Variants in NUP85 observed in about 807,000 individuals in gnomAD.
NUP85 encodes the protein nucleoporin 85.
In NUP85, 23 loss-of-function variants were observed where a neutral mutation model predicts 92.8. That is an observed-to-expected ratio of 0.25 (90% CI 0.18 to 0.35). The LOEUF (loss-of-function observed/expected upper bound fraction) is 0.35. Ranked by LOEUF, NUP85 falls within the 10% of genes least tolerant of loss-of-function variation. The pLI is 1.00. For missense variants in NUP85, 759 were observed against 822.8 expected (o/e 0.92, Z 0.95); for synonymous variants, 314 against 306.9 (o/e 1.02, Z -0.24).
At chr17:75,215,893 C>A in intron 6 of NUP85, 70 bp downstream of exon 6, 1 of 1,297,636 alleles carries the variant, frequency 7.7e-7, no homozygotes, top group Non-Finnish European at 1.1e-6. Flanking sequence ...CCTCATCTTT[C>A]CTGTGCATGG....
chr17:75,213,516 C>G (rs547474967), intron 5 of NUP85, among the ~76,000 whole-genome samples: 1 of 152,118 alleles, frequency 6.6e-6, no homozygotes, highest in South Asian at 2.1e-4. Flanking sequence ...TGGTCTTGAA[C>G]TTTTGACCTC....
At chr17:75,229,701 G>A (rs946535490) in intron 11 of NUP85, among the ~76,000 whole-genome samples, 1 of 152,218 alleles carries the variant, frequency 6.6e-6, no homozygotes, top group African/African-American at 2.4e-5. Context: ...CGTCACTTGA[G>A]TTGTGTTGTT....
chr17:75,206,232 T>G (rs890377083), intron 1 of NUP85, among the ~76,000 whole-genome samples: 3 of 152,198 alleles, frequency 2.0e-5, no homozygotes, highest in Admixed American at 2.0e-4. Flanking sequence ...GTTTTATCGC[T>G]GTGCATTCAA....
At chr17:75,219,640 G>C (rs1335344377) in intron 7 of NUP85, among the ~76,000 whole-genome samples, 1 of 152,184 alleles carries the variant, frequency 6.6e-6, no homozygotes, top group Non-Finnish European at 1.5e-5. Context: ...GACTAAAACA[G>C]GCAAAGATTC....
chr17:75,232,049 T>C (rs2291030), intron 14 of NUP85, 70 bp downstream of exon 14: 245,632 of 1,546,776 alleles, frequency 0.16, 20,686 homozygotes, highest in Middle Eastern at 0.26. Context: ...GGTCACACTT[T>C]ATGCCTACCC....
chr17:75,210,470 C>A (rs2075222195), intron 3 of NUP85, among the ~76,000 whole-genome samples: 1 of 152,124 alleles, frequency 6.6e-6, no homozygotes. Context: ...ACTTTTGGGA[C>A]CCACCTCAGA....
rs530782747 is a variant in NUP85, at chr17:75,234,865, T to G, written c.1767+77T>G. On this transcript the variant is annotated intron_variant, in intron 17 of 18. Transcript: ENST00000245544. ...CTTAGTTGTATAGCTGTTGCCGATG[T>G]GCGTGTTTCCTCCTTTGTCGTTCTG... 3,889 of 1,555,374 alleles carry G rather than the reference T, an allele frequency of 2.5e-3. 56 individuals carry two copies. The highest frequency in any genetic ancestry group is 0.023 in the South Asian group (2,109 of 89,804).
At position 75,205,811 on chromosome 17, in the gene NUP85, C is replaced by A; in HGVS notation, c.33+17C>A. The A allele has an allele frequency of 6.2e-7, 1 of 1,613,956 alleles. No individual in the cohort carries two copies. Among genetic ancestry groups the A allele is most frequent in the Non-Finnish European group, 8.5e-7 (1 of 1,179,850 alleles). On this transcript the variant is annotated intron_variant, in intron 1 of 18. Transcript: ENST00000245544. ...ACAGTCACTGTAAGGGTACCCCGAA[C>A]AGGCTTGCTCGTCCTTGCGGGTTGA...
intron 10 of NUP85, 108 bp from the exon 11 acceptor site, chr17:75,225,943 T>C (rs957046426): frequency 2.1e-5 from 33 of 1,592,270 alleles, no homozygotes; most frequent in Non-Finnish European, 2.7e-5. Flanking sequence ...CTTTGGCCCT[T>C]AGTGAAAGAA....
rs1297564740 is a variant in NUP85, at chr17:75,231,167, G to C, written c.1095-173G>C. On this transcript the variant is annotated intron_variant, in intron 11 of 18. Transcript: ENST00000245544. The surrounding 1 kb of genome is among the most constrained non-coding windows in gnomAD (Gnocchi z 4.6). Reference sequence around the variant, plus strand: ...TGGTCTTAAATTCCTGGACTCAGGTGATCTGCCTGCCTTGGCCTCCCAAAG... The same window carrying C: ...TGGTCTTAAATTCCTGGACTCAGGTCATCTGCCTGCCTTGGCCTCCCAAAG... The C allele has an allele frequency of 1.5e-6, 1 of 653,468 alleles. No homozygotes were observed. 40.5% of individuals were successfully genotyped at this position (653,468 alleles called of 1,614,324 possible).
chr17:75,229,385 T>C (rs1424084315), intron 11 of NUP85, among the ~76,000 whole-genome samples: 1 of 152,070 alleles, frequency 6.6e-6, no homozygotes. Flanking sequence ...AACAGCTCAT[T>C]TGGGGCTACA....
chr17:75,223,157 G>T (rs189008806), intron 7 of NUP85, among the ~76,000 whole-genome samples: 1 of 151,830 alleles, frequency 6.6e-6, no homozygotes, highest in Admixed American at 6.6e-5. Context: ...AGTACTACAC[G>T]TGGGGACCCA....
chr17:75,221,541 G>A (rs1210739369), intron 7 of NUP85, among the ~76,000 whole-genome samples: 1 of 152,138 alleles, frequency 6.6e-6, no homozygotes, highest in South Asian at 2.1e-4. Context: ...CGGTCACTAG[G>A]TGTGAGATCT....
chr17:75,228,673 T>C (rs2145381473), intron 11 of NUP85: 1 of 985,454 alleles, frequency 1.0e-6, no homozygotes, highest in South Asian at 4.7e-5. Flanking sequence ...AGTGAGCTGT[T>C]GGCATGCCTT....
intron 1 of NUP85, among the ~76,000 whole-genome samples, chr17:75,205,999 C>T (rs766715991): frequency 5.5e-4 from 84 of 152,120 alleles, no homozygotes; most frequent in Non-Finnish European, 7.8e-4. Context: ...CCACCAGTCA[C>T]AAACCCCGGC....
chr17:75,223,740 TTTTA>T (rs2075667996), intron 7 of NUP85, among the ~76,000 whole-genome samples: 2 of 152,206 alleles, frequency 1.3e-5, no homozygotes, highest in African/African-American at 2.4e-5. Context: ...TTATGAACCA[TTTTA>T]TTTAATGCAT....
Position 75,231,143 on chromosome 17 carries a change from G to GA in NUP85, c.1095-197_1095-196insA, listed in dbSNP as rs2076041905. The GA allele has an allele frequency of 2.4e-5, 14 of 592,600 alleles. No individual in the cohort carries two copies. In the South Asian group the frequency reaches 2.6e-4, roughly 11 times the overall value. The allele number at this position is 592,600 out of a possible 1,614,324, so 36.7% of individuals were successfully genotyped here. ...GGGGTTTTGCCATGTTGCCCAGGCT[G>GA]GTCTTAAATTCCTGGACTCAGGTGA... On this transcript the variant is annotated intron_variant, in intron 11 of 18. Coordinates refer to ENST00000245544, the MANE Select transcript of NUP85 (RefSeq NM_024844.5). The surrounding 1 kb of genome is among the most constrained non-coding windows in gnomAD (Gnocchi z 4.6).
At chr17:75,219,723 G>A (rs1318702858) in intron 7 of NUP85, among the ~76,000 whole-genome samples, 3 of 152,186 alleles carry the variant, frequency 2.0e-5, no homozygotes, top group Non-Finnish European at 2.9e-5. Flanking sequence ...ATGTATCCTG[G>A]CACATAGTGA....
In NUP85 at chr17:75,213,338, T is replaced by TG. The variant is rs1436850924; in HGVS notation, c.405+219_405+220insG. On this transcript the variant is annotated intron_variant, in intron 5 of 18. Coordinates refer to ENST00000245544, the MANE Select transcript of NUP85 (RefSeq NM_024844.5). ...AGTGAATGTTCGGTTCCTTTTTTTT[T>TG]TTTTTGAGATGGAGTCTTGCTCTGT... Among the ~76,000 whole-genome samples the TG allele has an allele frequency of 4.6e-5, 7 of 152,172 alleles. No individual in the cohort carries two copies. In the East Asian group the frequency reaches 1.2e-3, roughly 25 times the overall value.
Sources: allele counts gnomAD v4.1 joint callset (sites outside exome capture counted in the v4.1 genomes callset), GRCh38; gene constraint gnomAD v4.1.1; non-coding constraint Gnocchi (gnomAD v3.1); transcripts MANE v1.5; gene names NCBI Gene and HGNC (gene_info 2026-07-23, HGNC 2026-07-21).